Variants in ZNF438 observed in about 807,000 individuals in gnomAD.
ZNF438 encodes zinc finger protein 438.
In ZNF438, 25 loss-of-function variants were observed where a neutral mutation model predicts 38.0. The ratio of observed to expected loss-of-function variants is 0.66; its 90% CI spans 0.48 to 0.92. The LOEUF is 0.92. ZNF438 is among the 40% of genes least tolerant of loss of function. The probability of loss-of-function intolerance (pLI) is 0.00; values close to 1 mark genes in which losing one functional copy is unlikely to be tolerated. For synonymous variants in ZNF438, 372 were observed against 364.1 expected (o/e 1.02, Z -0.25); for missense variants, 1,007 against 999.6 (o/e 1.01, Z -0.10).
At chr10:30,907,677 A>G (rs1052713570) in intron 3 of ZNF438, among the ~76,000 whole-genome samples, 1 of 152,056 alleles carries the variant, frequency 6.6e-6, no homozygotes, top group Non-Finnish European at 1.5e-5. Flanking sequence ...ATTTCTGTAG[A>G]GTCAGTAGTG....
At chr10:30,848,214 G>A (rs189416025) in intron 5 of ZNF438, among the ~76,000 whole-genome samples, 143 of 152,264 alleles carry the variant, frequency 9.4e-4, no homozygotes, top group African/African-American at 3.2e-3. Context: ...GGGTCATGCC[G>A]CATTTTGGGG....
chr10:30,902,064 T>C (rs1043486989), intron 3 of ZNF438, among the ~76,000 whole-genome samples: 2 of 151,544 alleles, frequency 1.3e-5, no homozygotes, highest in Non-Finnish European at 2.9e-5. Context: ...ACCCAAAGAG[T>C]GGGCAGCAGC....
chr10:30,953,274 G>T (rs1239339324), intron 1 of ZNF438, among the ~76,000 whole-genome samples: 12 of 151,622 alleles, frequency 7.9e-5, no homozygotes, highest in East Asian at 7.8e-4. Context: ...AGAGGGGAGG[G>T]ATAACATTGG....
intron 1 of ZNF438, among the ~76,000 whole-genome samples, chr10:30,943,180 C>T (rs1427876039): frequency 1.3e-5 from 2 of 151,560 alleles, no homozygotes; most frequent in African/African-American, 4.9e-5. Context: ...AATAATGGAA[C>T]AAATTCAAGA....
At chr10:30,869,733 G>A (rs1009698372) in intron 4 of ZNF438, among the ~76,000 whole-genome samples, 1 of 152,192 alleles carries the variant, frequency 6.6e-6, no homozygotes, top group African/African-American at 2.4e-5. Context: ...TACTTGCTCT[G>A]CAGCATAAAA....
chr10:31,008,742 T>C (rs1219152150), intron 1 of ZNF438, among the ~76,000 whole-genome samples: 6 of 152,198 alleles, frequency 3.9e-5, no homozygotes, highest in African/African-American at 1.4e-4. Context: ...AGCATTTATG[T>C]ATAAGTTTTT....
chr10:30,844,817 T>A (rs1028097391), exon 6 of ZNF438: 36 of 1,067,796 alleles, frequency 3.4e-5, no homozygotes, highest in Non-Finnish European at 4.7e-5. Context: ...GTTAAGAAAA[T>A]AAAACCATGT....
intron 1 of ZNF438, among the ~76,000 whole-genome samples, chr10:30,953,671 A>AC (rs1564726630): frequency 5.4e-4 from 16 of 29,536 alleles, no homozygotes; most frequent in African/African-American, 3.0e-3. Context: ...CACACACACA[A>AC]AAAAAAAACA....
intron 1 of ZNF438, among the ~76,000 whole-genome samples, chr10:30,991,300 T>C (rs1304322269): frequency 6.6e-6 from 1 of 152,206 alleles, no homozygotes; most frequent in Non-Finnish European, 1.5e-5. Flanking sequence ...AGAGTTTCTA[T>C]TCTGTAGAGG....
At chr10:30,948,742 G>A (rs375588305) in intron 1 of ZNF438, among the ~76,000 whole-genome samples, 11,949 of 151,334 alleles carry the variant, frequency 0.079, 573 homozygotes, top group Non-Finnish European at 0.11. Context: ...AAGAAATATG[G>A]GACTATGTGA....
chr10:30,885,931 G>T (rs1450141782), intron 3 of ZNF438, among the ~76,000 whole-genome samples: 1 of 152,166 alleles, frequency 6.6e-6, no homozygotes, highest in Non-Finnish European at 1.5e-5. Flanking sequence ...TATTTTAGAA[G>T]CAGGATTAGA....
intron 1 of ZNF438, among the ~76,000 whole-genome samples, chr10:30,973,311 T>C (rs1316758212): frequency 6.6e-6 from 1 of 152,198 alleles, no homozygotes; most frequent in Non-Finnish European, 1.5e-5. Flanking sequence ...AGAGACTCAA[T>C]CTTCTCTGCC....
chr10:30,892,611 A>G (rs891768999), intron 3 of ZNF438, among the ~76,000 whole-genome samples: 2 of 152,162 alleles, frequency 1.3e-5, no homozygotes, highest in Non-Finnish European at 2.9e-5. Context: ...CACTAAAAAA[A>G]AGAGAATAAA....
chr10:30,863,965 T>C (rs1439375422), intron 4 of ZNF438, among the ~76,000 whole-genome samples: 1 of 152,220 alleles, frequency 6.6e-6, no homozygotes, highest in African/African-American at 2.4e-5. Flanking sequence ...TACTTGTCCC[T>C]AAGAGACTCT....
At chr10:30,844,701 CTTT>C (rs1714028000) in exon 6 of ZNF438, 3 of 377,230 alleles carry the variant, frequency 8.0e-6, no homozygotes, top group East Asian at 4.9e-5. Context: ...AAATTTTGAT[CTTT>C]TTATTTATTC....
At chr10:30,912,115 C>T (rs1180806214) in intron 2 of ZNF438, among the ~76,000 whole-genome samples, 1 of 152,116 alleles carries the variant, frequency 6.6e-6, no homozygotes, top group African/African-American at 2.4e-5. Context: ...CTCCCTCCAG[C>T]TATAGCTCAC....
Position 30,994,922 on chromosome 10 carries a change from C to T in ZNF438, c.-192+36911G>A, listed in dbSNP as rs150931352. On this transcript the variant is annotated intron_variant, in intron 1 of 5. Coordinates refer to ENST00000413025, the Ensembl canonical transcript of ZNF438. Reference sequence around the variant, plus strand: ...TGAAACACACCTGTAGTTCCAGCTACTCAGGAGGCTGAGGTGGGAGGACTG... The same window carrying T: ...TGAAACACACCTGTAGTTCCAGCTATTCAGGAGGCTGAGGTGGGAGGACTG... Among the ~76,000 whole-genome samples the T allele has an allele frequency of 2.5e-3, 373 of 151,936 alleles. 3 individuals carry two copies. Among genetic ancestry groups the T allele is most frequent in the African/African-American group, 8.8e-3 (363 of 41,430 alleles).
intron 4 of ZNF438, among the ~76,000 whole-genome samples, chr10:30,852,465 C>T (rs2033836528): frequency 6.6e-6 from 1 of 152,154 alleles, no homozygotes; most frequent in South Asian, 2.1e-4. Context: ...GCCTCGGCCT[C>T]CCAAAGTGCT....
At chr10:30,903,625 A>G (rs1229541610) in intron 3 of ZNF438, among the ~76,000 whole-genome samples, 3 of 152,188 alleles carry the variant, frequency 2.0e-5, no homozygotes, top group Non-Finnish European at 4.4e-5. Flanking sequence ...CAAACACATT[A>G]TAAGAAGACA....
Sources: allele counts gnomAD v4.1 joint callset (sites outside exome capture counted in the v4.1 genomes callset), GRCh38; gene constraint gnomAD v4.1.1; transcripts MANE v1.5; gene names NCBI Gene and HGNC (gene_info 2026-07-23, HGNC 2026-07-21).